The following TMEM117 variants were observed in gnomAD, a reference collection of about 807,000 sequenced individuals.
TMEM117 encodes transmembrane protein 117.
TMEM117 carries 27 observed loss-of-function variants against 52.4 expected under a neutral mutation model. The observed-to-expected ratio is 0.51, with a 90% confidence interval of 0.38 to 0.71. The LOEUF (loss-of-function observed/expected upper bound fraction) is 0.71. Among genes scored for constraint, TMEM117 ranks in the 30% least tolerant of loss-of-function variants. The pLI, the probability that TMEM117 is intolerant of heterozygous loss-of-function variation, is 0.00. For missense variants in TMEM117, 556 were observed against 630.5 expected, an observed-to-expected ratio of 0.88 and a Z score of 1.26; for synonymous variants, 215 against 206.3, an observed-to-expected ratio of 1.04 and a Z score of -0.36.
chr12:44,153,816 A>G (rs1948788724), intron 4 of TMEM117, among the ~76,000 whole-genome samples: 1 of 152,068 alleles, frequency 6.6e-6, no homozygotes, highest in Non-Finnish European at 1.5e-5. Flanking sequence ...TTAGTTAAAC[A>G]TCAGAAAGAG....
chr12:44,345,928 A>G (rs1040335583), intron 6 of TMEM117, among the ~76,000 whole-genome samples: 3 of 152,106 alleles, frequency 2.0e-5, no homozygotes, highest in Admixed American at 6.6e-5. Context: ...TTTTACTTCT[A>G]TAGAAACAGA....
At chr12:44,018,714 T>G (rs1565794194) in intron 3 of TMEM117, among the ~76,000 whole-genome samples, 1 of 151,360 alleles carries the variant, frequency 6.6e-6, no homozygotes, top group Non-Finnish European at 1.5e-5. Context: ...TTTCTTTTTT[T>G]CTTTTTCTTT....
At chr12:43,973,975 A>G in intron 3 of TMEM117, among the ~76,000 whole-genome samples, 1 of 152,192 alleles carries the variant, frequency 6.6e-6, no homozygotes, top group East Asian at 1.9e-4. Flanking sequence ...AGTTTAGATT[A>G]TGTTAAACAA....
intron 3 of TMEM117, among the ~76,000 whole-genome samples, chr12:44,090,559 C>A (rs1403664157): frequency 1.3e-5 from 2 of 151,896 alleles, no homozygotes; most frequent in African/African-American, 4.8e-5. Context: ...GCCTCGGCCT[C>A]CCGAGTAGCT....
chr12:43,861,376 G>A (rs907638520), intron 2 of TMEM117, among the ~76,000 whole-genome samples: 1 of 152,202 alleles, frequency 6.6e-6, no homozygotes, highest in Non-Finnish European at 1.5e-5. Context: ...CCAGCCATGA[G>A]TCTGCTAGAT....
chr12:44,006,683 T>C (rs752677449), intron 3 of TMEM117, among the ~76,000 whole-genome samples: 3 of 152,180 alleles, frequency 2.0e-5, no homozygotes, highest in Non-Finnish European at 4.4e-5. Flanking sequence ...GGGGAAACTT[T>C]GAATAACCAG....
intron 3 of TMEM117, among the ~76,000 whole-genome samples, chr12:44,022,338 A>G (rs1946467690): frequency 6.6e-6 from 1 of 152,206 alleles, no homozygotes; most frequent in Admixed American, 6.5e-5. Flanking sequence ...TGTAATTAAA[A>G]CAGTGTAATT....
chr12:44,156,833 A>G (rs78234622), intron 4 of TMEM117, among the ~76,000 whole-genome samples: 1 of 152,064 alleles, frequency 6.6e-6, no homozygotes, highest in African/African-American at 2.4e-5. Flanking sequence ...GTACATTGCC[A>G]CGAGGCAATA....
intron 5 of TMEM117, among the ~76,000 whole-genome samples, chr12:44,298,852 A>G (rs1255366980): frequency 6.6e-6 from 1 of 150,684 alleles, no homozygotes; most frequent in Non-Finnish European, 1.5e-5. Flanking sequence ...AGAGATGGTG[A>G]TGAGTCTGGT....
At chr12:43,946,396 TTTG>T (rs1438820952) in intron 3 of TMEM117, among the ~76,000 whole-genome samples, 828 of 4,980 alleles carry the variant, frequency 0.17, 39 homozygotes, top group Middle Eastern at 0.29. Context: ...TTTTTTTTTG[TTTG>T]TTTTTTTATC....
At chr12:44,250,635 A>G (rs1950185795) in intron 5 of TMEM117, among the ~76,000 whole-genome samples, 1 of 152,248 alleles carries the variant, frequency 6.6e-6, no homozygotes. Flanking sequence ...TGGTACATAT[A>G]CACCATGGAA....
chr12:44,315,120 T>C (rs1456534294), intron 6 of TMEM117, among the ~76,000 whole-genome samples: 1 of 152,192 alleles, frequency 6.6e-6, no homozygotes, highest in African/African-American at 2.4e-5. Flanking sequence ...TTGTTTCAAA[T>C]TGCACTTTTT....
At chr12:44,326,169 GT>G (rs1157264701) in intron 6 of TMEM117, among the ~76,000 whole-genome samples, 3 of 151,422 alleles carry the variant, frequency 2.0e-5, no homozygotes, top group Non-Finnish European at 4.4e-5. Flanking sequence ...CCCTGGTTTT[GT>G]TTTTGTTTTT....
At chr12:44,367,001 T>G (rs1164334763) in intron 6 of TMEM117, among the ~76,000 whole-genome samples, 1 of 152,194 alleles carries the variant, frequency 6.6e-6, no homozygotes, top group Non-Finnish European at 1.5e-5. Flanking sequence ...GTATCCATAT[T>G]GGTGCACACT....
intron 3 of TMEM117, among the ~76,000 whole-genome samples, chr12:44,014,522 A>G (rs1466303571): frequency 1.3e-5 from 2 of 152,192 alleles, no homozygotes; most frequent in African/African-American, 4.8e-5. Flanking sequence ...TAAATCTGGG[A>G]TAACACTTTG....
chr12:43,952,662 A>T (rs771310354), intron 3 of TMEM117, among the ~76,000 whole-genome samples: 42 of 152,194 alleles, frequency 2.8e-4, no homozygotes, highest in Non-Finnish European at 5.9e-4. Context: ...TGGAACTTAC[A>T]ACTGATTGAA....
intron 5 of TMEM117, among the ~76,000 whole-genome samples, chr12:44,226,501 ATGTGTG>A (rs56709250): frequency 1.3e-5 from 2 of 149,176 alleles, no homozygotes; most frequent in Non-Finnish European, 3.0e-5. Flanking sequence ...AAATATATAT[ATGTGTG>A]TGTGTGTGTG....
intron 2 of TMEM117, among the ~76,000 whole-genome samples, chr12:43,864,298 G>C (rs1279979731): frequency 6.6e-6 from 1 of 152,248 alleles, no homozygotes; most frequent in African/African-American, 2.4e-5. Flanking sequence ...ACTGCGCAGG[G>C]ACTGGCAGGC....
At chr12:44,356,231 A>G (rs550443320) in intron 6 of TMEM117, among the ~76,000 whole-genome samples, 1 of 152,120 alleles carries the variant, frequency 6.6e-6, no homozygotes, top group African/African-American at 2.4e-5. Flanking sequence ...GACAAATTAC[A>G]ATATGACATG....
Sources: gnomAD v4.1 joint callset for allele counts (sites outside exome capture counted in the v4.1 genomes callset) on GRCh38, gnomAD v4.1.1 for gene constraint, MANE v1.5 for transcripts, NCBI Gene and HGNC (gene_info 2026-07-23, HGNC 2026-07-21) for gene names.